Variants in CELSR2 observed in about 807,000 individuals in gnomAD.
CELSR2 encodes the protein EGF-like protein 2.
A neutral mutation model predicts 251.6 loss-of-function variants in CELSR2; 81 were observed. The ratio of observed to expected loss-of-function variants is 0.32; its 90% CI spans 0.27 to 0.39. The LOEUF is 0.39. Ranked by LOEUF, CELSR2 falls within the 10% of genes least tolerant of loss-of-function variation. CELSR2 has a pLI of 1.00. For synonymous variants in CELSR2, 1,721 were observed against 1,670.5 expected, an observed-to-expected ratio of 1.03 and a Z score of -0.74; for missense variants, 3,365 against 3,947.7, an observed-to-expected ratio of 0.85 and a Z score of 3.96.
In CELSR2 at chr1:109,251,573, C is replaced by G; in HGVS notation, c.1494C>G (p.Ile498Met). The G allele has an allele frequency of 6.2e-7, 1 of 1,613,864 alleles. No individual in the cohort carries two copies. The highest frequency in any genetic ancestry group is 8.5e-7 in the Non-Finnish European group (1 of 1,180,034). ...TGGTGACAGTACAGGTCCTGGATAT[C>G]AACGACAATGCCCCCATCTTCGTCA... Reference protein sequence around the residue: ...SGLVTVQVLDINDNAPIFVST... With the variant: ...SGLVTVQVLDMNDNAPIFVST... The change falls in exon 1 of 34, where the codon ATC becomes ATG. Residue 498 changes from isoleucine (I) to methionine (M), a missense_variant. Transcript: ENST00000271332. The surrounding 1 kb of genome is among the most constrained non-coding windows in gnomAD (Gnocchi z 4.9).
rs2281894 is a variant in CELSR2, at chr1:109,267,922, C to A, written c.6180C>A (p.Arg2060=). The change falls in exon 17 of 34, where the codon CGC becomes CGA. Residue 2060 remains arginine, a synonymous_variant. Transcript: ENST00000271332. ...GRSQQLALLL[R]NATQHTAGYF... ...CCCAGCAGCTAGCCCTGCTCCTGCGCAACGCCACGCAGCACACAGCTGGCT... is the reference window on the plus strand; with the variant it reads ...CCCAGCAGCTAGCCCTGCTCCTGCGAAACGCCACGCAGCACACAGCTGGCT... The A allele has an allele frequency of 0.2, 317,133 of 1,611,030 alleles. 33,887 individuals are homozygous for A. Among genetic ancestry groups the A allele is most frequent in the East Asian group, 0.38 (17,040 of 44,840 alleles).
chr1:109,249,607 A>T lies in CELSR2; in HGVS notation c.-473A>T, dbSNP rs1029433027. ...TGGGCCCGGGGCCGCGGCGACAGGC[A>T]GCAGCCGCGGCGGGGACGCGGGGCG... On this transcript the variant is annotated 5_prime_UTR_variant, in exon 1 of 34. Transcript: ENST00000271332. Among the ~76,000 whole-genome samples, 16 of 147,564 alleles carry T rather than the reference A, an allele frequency of 1.1e-4. No homozygotes were observed. The highest frequency in any genetic ancestry group is 2.0e-4 in the Non-Finnish European group (13 of 66,478).
At position 109,264,342 on chromosome 1, in the gene CELSR2, C is replaced by T. The variant is rs115968305; in HGVS notation, c.5266C>T (p.Arg1756Cys). The T allele has an allele frequency of 1.6e-4, 260 of 1,609,236 alleles. 1 individual carries two copies. The Middle Eastern group carries it at 2.0e-3, about 12-fold the overall frequency. ...GIPGPAGGVA[R>C]GFRGCLQGVR... Reference sequence around the variant, plus strand: ...ACCTGGGCCAGCCGGCGGTGTGGCCCGTGGCTTTCGGGGCTGTTTGCAGGT... The same window carrying T: ...ACCTGGGCCAGCCGGCGGTGTGGCCTGTGGCTTTCGGGGCTGTTTGCAGGT... Residue 1756 changes from arginine to cysteine, a missense_variant, in exon 10 of 34, where the codon CGT (arginine) becomes TGT (cysteine). Physicochemically the swap from Arg to Cys is radical, Grantham distance 180 (BLOSUM62 -3). Coordinates refer to ENST00000271332, the MANE Select transcript of CELSR2 (RefSeq NM_001408.3).
Position 109,264,955 on chromosome 1 carries a change from A to G in CELSR2, c.5552A>G (p.His1851Arg), listed in dbSNP as rs773899149. 4.3e-6 allele frequency: 7 copies of G among 1,614,146 alleles called. No individual in the cohort carries two copies. In the South Asian group the frequency reaches 4.4e-5, roughly 10 times the overall value. The change falls in exon 12 of 34, where the codon CAT (histidine) becomes CGT (arginine). Residue 1851 changes from histidine (H) to arginine (R), a missense_variant. Coordinates refer to ENST00000271332, the MANE Select transcript of CELSR2 (RefSeq NM_001408.3). ...SVCTRKPSAPHGYTCECPPNY... is the reference protein window; with the variant it reads ...SVCTRKPSAPRGYTCECPPNY... Reference sequence around the variant, plus strand: ...TGTACCCGCAAGCCCAGTGCCCCCCATGGCTATACCTGCGAGTGTCCCCCA... The same window carrying G: ...TGTACCCGCAAGCCCAGTGCCCCCCGTGGCTATACCTGCGAGTGTCCCCCA...
Position 109,274,225 on chromosome 1 carries a change from G to A in CELSR2, c.*176G>A, listed in dbSNP as rs1450777706. 11 of 1,455,646 alleles carry A rather than the reference G, an allele frequency of 7.6e-6. No individual in the cohort carries two copies. The highest frequency in any genetic ancestry group is 1.0e-5 in the Non-Finnish European group (11 of 1,099,116). The allele number at this position is 1,455,646 out of a possible 1,614,324, so 90.2% of individuals were successfully genotyped here. A position where few individuals can be genotyped will look rare whatever the true frequency, so the allele number is the denominator to read the frequency against. ...GGGAGGGGTACTCACCCCACCTAAG[G>A]CCATCTAGTGCCAACTCCCCCCCCA... On this transcript the variant is annotated 3_prime_UTR_variant, in exon 34 of 34. Coordinates refer to ENST00000271332, the MANE Select transcript of CELSR2 (RefSeq NM_001408.3).
chr1:109,253,146 C>T lies in CELSR2; in HGVS notation c.3067C>T (p.Leu1023=). 3.7e-6 allele frequency: 6 copies of T among 1,613,826 alleles called. No individual in the cohort carries two copies. Among genetic ancestry groups the T allele is most frequent in the Non-Finnish European group, 5.1e-6 (6 of 1,180,042 alleles). The change falls in exon 1 of 34, where the codon CTG becomes TTG. Residue 1023 remains leucine (L), a synonymous_variant. Transcript: ENST00000271332. The part of the protein sequence containing the change: ...LLDRNDNPPV[L]GNFEILFNNY... ...TGACCGCAATGACAACCCACCAGTG[C>T]TGGGCAACTTTGAGATCCTTTTCAA...
Position 109,272,273 on chromosome 1 carries a change from C to T in CELSR2, c.7927-5C>T. 6.3e-7 allele frequency: 1 copy of T among 1,581,240 alleles called. No homozygotes were observed. The highest frequency in any genetic ancestry group is 1.1e-5 in the South Asian group (1 of 87,292). On this transcript the variant is annotated splice_polypyrimidine_tract_variant and splice_region_variant and intron_variant, in intron 28 of 33. Coordinates refer to ENST00000271332, the MANE Select transcript of CELSR2 (RefSeq NM_001408.3). ...CACTTACTGACCTCTCTGTTCCCTG[C>T]CTAGTCCTACAACTGCCCCAGCCCC... is the stretch of plus-strand genomic sequence containing the variant.
chr1:109,252,650 C>T lies in CELSR2; in HGVS notation c.2571C>T (p.Gly857=), dbSNP rs760728043. 19 of 1,613,770 alleles carry T rather than the reference C, an allele frequency of 1.2e-5. No homozygotes were observed. In the South Asian group the frequency reaches 1.5e-4, roughly 13 times the overall value. Reference sequence around the variant, plus strand: ...GGGTCTTCTACACCTTCCAAGGAGGCGACGATGGAGACGGTGACTTTATTG... The same window carrying T: ...GGGTCTTCTACACCTTCCAAGGAGGTGACGATGGAGACGGTGACTTTATTG... ...NGRVFYTFQG[G]DDGDGDFIVE... Residue 857 remains glycine, a synonymous_variant, in exon 1 of 34, where the codon GGC becomes GGT. Coordinates refer to ENST00000271332, the MANE Select transcript of CELSR2 (RefSeq NM_001408.3). The surrounding 1 kb of genome is among the most constrained non-coding windows in gnomAD (Gnocchi z 4.8).
chr1:109,265,423 G>C (rs963203470), intron 13 of CELSR2, 112 bp downstream of exon 13: 60 of 1,250,660 alleles, frequency 4.8e-5, no homozygotes, highest in Non-Finnish European at 6.6e-6. Context: ...TGAGGGCCTT[G>C]TGCCTTTGCT....
intron 6 of CELSR2, 147 bp from the exon 7 acceptor site, chr1:109,262,659 A>G (rs1656051292): frequency 4.3e-6 from 6 of 1,379,906 alleles, no homozygotes; most frequent in Non-Finnish European, 5.9e-6. Flanking sequence ...AGTTCCAGGT[A>G]GGGGTGACGC....
At chr1:109,272,152 C>A in intron 28 of CELSR2, 126 bp from the exon 29 acceptor site, 1 of 1,243,490 alleles carries the variant, frequency 8.0e-7, no homozygotes, top group Non-Finnish European at 1.1e-6. Flanking sequence ...AGAAGCAGGG[C>A]CCTCTCTTTC....
intron 33 of CELSR2, 21 bp downstream of exon 33, chr1:109,273,691 GGGAC>G: frequency 4.3e-6 from 6 of 1,385,238 alleles, no homozygotes; most frequent in Non-Finnish European, 4.8e-6. Flanking sequence ...CCGGGTGGGC[GGGAC>G]GGGGTGCAGC....
Position 109,269,173 on chromosome 1 carries a change from G to C in CELSR2, c.6695G>C (p.Arg2232Pro), listed in dbSNP as rs745988394. 1 of 1,612,106 alleles carries C rather than the reference G, an allele frequency of 6.2e-7. No individual in the cohort carries two copies. The highest frequency in any genetic ancestry group is 8.5e-7 in the Non-Finnish European group (1 of 1,179,454). ...GEAQEPEELA[R>P]RQRRHPELSQ... ...GCCCAGGAGCCAGAGGAGCTGGCAC[G>C]GCGACAGCGACGGCACCCGGAGCTG... Residue 2232 changes from arginine to proline, a missense_variant, in exon 20 of 34, where the codon CGG becomes CCG. Arg to Pro is a moderately radical substitution (Grantham distance 103, BLOSUM62 -2). Coordinates refer to ENST00000271332, the MANE Select transcript of CELSR2 (RefSeq NM_001408.3). The surrounding 1 kb of genome is among the most constrained non-coding windows in gnomAD (Gnocchi z 6.4).
At chr1:109,260,577 A>AAGGAGGG (rs1210876514) in intron 2 of CELSR2, among the ~76,000 whole-genome samples, 3 of 152,144 alleles carry the variant, frequency 2.0e-5, no homozygotes, top group East Asian at 3.9e-4. Flanking sequence ...CACCAGTGGG[A>AAGGAGGG]AGGAGGGAGG....
Position 109,261,994 on chromosome 1 carries a change from C to G in CELSR2, c.4386+98C>G. 1.5e-6 allele frequency: 2 copies of G among 1,322,364 alleles called. No individual in the cohort carries two copies. The highest frequency in any genetic ancestry group is 2.1e-6 in the Non-Finnish European group (2 of 942,264). 81.9% of individuals were successfully genotyped at this position (1,322,364 alleles called of 1,614,324 possible). On this transcript the variant is annotated intron_variant, in intron 5 of 33. Coordinates refer to ENST00000271332, the MANE Select transcript of CELSR2 (RefSeq NM_001408.3). This position sits in a 1 kb window ranked among gnomAD's most constrained non-coding sequence, Gnocchi z 4.8. Reference sequence around the variant, plus strand: ...TGCCTCCAGGCTTGGGTGGGCTGGTCAGGGCATTTCTGGCTGAGAGGAAGG... The same window carrying G: ...TGCCTCCAGGCTTGGGTGGGCTGGTGAGGGCATTTCTGGCTGAGAGGAAGG...
At position 109,264,473 on chromosome 1, in the gene CELSR2, C is replaced by T. The variant is rs769062463; in HGVS notation, c.5309C>T (p.Thr1770Met). Residue 1770 changes from threonine (T) to methionine (M), a missense_variant, in exon 11 of 34, where the codon ACG (threonine) becomes ATG (methionine). Physicochemically the swap from Thr to Met is moderately conservative, Grantham distance 81 (BLOSUM62 -1). Transcript: ENST00000271332. Reference protein sequence around the residue: ...GCLQGVRVSDTPEGVNSLDPS... With the variant: ...GCLQGVRVSDMPEGVNSLDPS... Reference sequence around the variant, plus strand: ...TCCCAGGGTGTGCGGGTGAGCGATACGCCGGAGGGGGTTAACAGCCTGGAT... The same window carrying T: ...TCCCAGGGTGTGCGGGTGAGCGATATGCCGGAGGGGGTTAACAGCCTGGAT... 1.0e-5 allele frequency: 16 copies of T among 1,607,504 alleles called. No individual in the cohort carries two copies. In the South Asian group the frequency reaches 1.3e-4, roughly 13 times the overall value.
Position 109,261,054 on chromosome 1 carries a change from A to G in CELSR2, c.3971A>G (p.Glu1324Gly). 1.2e-6 allele frequency: 2 copies of G among 1,611,538 alleles called. No homozygotes were observed. The highest frequency in any genetic ancestry group is 1.7e-6 in the Non-Finnish European group (2 of 1,178,378). ...CRDGYTGEHC[E>G]VSARSGRCTP... is the part of the protein sequence containing the mutation. ...TCCTCTTGTCCAGGTGAGCACTGTG[A>G]GGTGAGTGCTCGCTCAGGCCGTTGC... The change falls in exon 3 of 34, where the codon GAG (glutamate) becomes GGG (glycine). Residue 1324 changes from glutamate to glycine, a missense_variant. By Grantham distance (98) the Glu-to-Gly change is moderately conservative. Transcript: ENST00000271332. The surrounding 1 kb of genome is among the most constrained non-coding windows in gnomAD (Gnocchi z 4.8).
chr1:109,269,831 CAG>C lies in CELSR2; in HGVS notation c.7107+12_7107+13del, dbSNP rs761862747. The C allele has an allele frequency of 1.2e-6, 2 of 1,612,812 alleles. No individual in the cohort carries two copies. Among genetic ancestry groups the C allele is most frequent in the South Asian group, 1.1e-5 (1 of 91,076 alleles). ...GTTTCTCGGCGGGAGGTCGGGCCCA[CAG>C]GGGCAGCTGCAGAGCCGTGGGTGGG... On this transcript the variant is annotated intron_variant, in intron 22 of 33. Transcript: ENST00000271332. The surrounding 1 kb of genome is among the most constrained non-coding windows in gnomAD (Gnocchi z 6.4).
Position 109,264,996 on chromosome 1 carries a change from T to C in CELSR2, c.5593T>C (p.Tyr1865His), listed in dbSNP as rs540264137. The C allele has an allele frequency of 1.0e-4, 165 of 1,614,158 alleles. 3 individuals carry two copies. In the South Asian group the frequency reaches 1.7e-3, roughly 17 times the overall value. The change falls in exon 12 of 34, where the codon TAC becomes CAC. Residue 1865 changes from tyrosine (Y) to histidine (H), a missense_variant. By Grantham distance (83) the Tyr-to-His change is moderately conservative (BLOSUM62 2). Transcript: ENST00000271332. ...CECPPNYLGPYCETRIDQPCP... is the reference protein window; with the variant it reads ...CECPPNYLGPHCETRIDQPCP... ...GTGTCCCCCAAATTACCTTGGGCCA[T>C]ACTGTGAGACCAGGTAAGCAGACCA...
Sources: allele counts gnomAD v4.1 joint callset (sites outside exome capture counted in the v4.1 genomes callset), GRCh38; gene constraint gnomAD v4.1.1; non-coding constraint Gnocchi (gnomAD v3.1); transcripts MANE v1.5; gene names NCBI Gene and HGNC (gene_info 2026-07-23, HGNC 2026-07-21).